JMJD1C: variants seen among roughly 807,000 people sequenced by gnomAD.
JMJD1C encodes the protein jumonji domain-containing protein 1C.
Under a neutral mutation model 245.3 loss-of-function variants are expected in JMJD1C, and 31 were observed. The ratio of observed to expected loss-of-function variants is 0.13; its 90% CI spans 0.09 to 0.17. JMJD1C has a LOEUF of 0.17. JMJD1C is among the 10% of genes least tolerant of loss of function. The pLI is 1.00. For synonymous variants in JMJD1C, 1,057 were observed against 1,017.4 expected (o/e 1.04, Z -0.74); for missense variants, 2,691 against 3,000.2 (o/e 0.90, Z 2.41).
chr10:63,208,591 A>G lies in JMJD1C; in HGVS notation c.3078T>C (p.Leu1026=). The change falls in exon 10 of 26, where the codon CTT becomes CTC. Residue 1026 remains leucine, a synonymous_variant. Coordinates refer to ENST00000399262, the MANE Select transcript of JMJD1C (RefSeq NM_032776.3). ...NKYKEEHRRI[L]QESIDVAPFT... is the part of the protein sequence containing the mutation. ...AGGGAGCAACATCAATACTTTCTTGAAGAATTCGACGGTGTTCCTCTTTGT... is the reference window on the plus strand; with the variant it reads ...AGGGAGCAACATCAATACTTTCTTGGAGAATTCGACGGTGTTCCTCTTTGT... 1.2e-6 allele frequency: 2 copies of G among 1,614,020 alleles called. No individual in the cohort carries two copies. Among genetic ancestry groups the G allele is most frequent in the Non-Finnish European group, 1.7e-6 (2 of 1,179,936 alleles).
intron 16 of JMJD1C, among the ~76,000 whole-genome samples, chr10:63,192,000 A>C (rs1196257938): frequency 6.7e-5 from 10 of 150,092 alleles, no homozygotes; most frequent in African/African-American, 1.7e-4. Context: ...AAAAAAAAAA[A>C]AAAAAAAAAC....
rs1293351554 is a variant in JMJD1C at position 63,215,243 on chromosome 10, A to G, written c.1015+20T>C. 3.2e-6 allele frequency: 5 copies of G among 1,572,922 alleles called. No individual in the cohort carries two copies. The highest frequency in any genetic ancestry group is 4.3e-6 in the Non-Finnish European group (5 of 1,160,602). ...TGTTTTATTTGTTTTCATTCCCTTA[A>G]AAAAAAAAGTGGGTCCTACCTCCTC... On this transcript the variant is annotated intron_variant, in intron 7 of 25. Coordinates refer to ENST00000399262, the MANE Select transcript of JMJD1C (RefSeq NM_032776.3).
At chr10:63,365,168 C>T in intron 2 of JMJD1C, among the ~76,000 whole-genome samples, 1 of 152,222 alleles carries the variant, frequency 6.6e-6, no homozygotes, top group Non-Finnish European at 1.5e-5. Flanking sequence ...AAAATCATAG[C>T]AAGCCTCATC....
chr10:63,463,014 G>T (rs1277873887), intron 1 of JMJD1C, among the ~76,000 whole-genome samples: 1 of 151,650 alleles, frequency 6.6e-6, no homozygotes, highest in Non-Finnish European at 1.5e-5. Context: ...TCCAAATCAT[G>T]TGCCACAGGT....
chr10:63,288,740 A>G (rs947606813), intron 2 of JMJD1C, among the ~76,000 whole-genome samples: 4 of 152,004 alleles, frequency 2.6e-5, no homozygotes, highest in African/African-American at 9.7e-5. Flanking sequence ...TTAACTGGAC[A>G]TGGTGGCACA....
chr10:63,429,375 C>A (rs777404445), intron 1 of JMJD1C, among the ~76,000 whole-genome samples: 2 of 152,102 alleles, frequency 1.3e-5, no homozygotes, highest in Admixed American at 1.3e-4. Context: ...CTTTGAAGAT[C>A]TCATACTGGA....
intron 5 of JMJD1C, 111 bp downstream of exon 5, chr10:63,217,096 A>G (rs1287219843): frequency 7.0e-6 from 7 of 999,210 alleles, no homozygotes; most frequent in Non-Finnish European, 8.8e-6. Context: ...TTACACGACT[A>G]AAAACCCTAG....
chr10:63,278,480 C>T (rs1220374376), intron 2 of JMJD1C, among the ~76,000 whole-genome samples: 5 of 147,252 alleles, frequency 3.4e-5, no homozygotes, highest in African/African-American at 5.0e-5. Flanking sequence ...GCTGAGATTA[C>T]GCCACTGCAC....
intron 22 of JMJD1C, among the ~76,000 whole-genome samples, chr10:63,180,332 T>C (rs1025874279): frequency 1.3e-5 from 2 of 152,212 alleles, no homozygotes; most frequent in Non-Finnish European, 2.9e-5. Context: ...GTGTTTACTA[T>C]GTGCGAGGCA....
intron 1 of JMJD1C, among the ~76,000 whole-genome samples, chr10:63,475,306 C>T (rs1953625359): frequency 6.6e-6 from 1 of 152,126 alleles, no homozygotes; most frequent in Admixed American, 6.5e-5. Flanking sequence ...ATACATACTT[C>T]CTAGAGGGAA....
intron 1 of JMJD1C, among the ~76,000 whole-genome samples, chr10:63,425,271 A>G (rs935609172): frequency 1.3e-5 from 2 of 152,206 alleles, no homozygotes; most frequent in African/African-American, 4.8e-5. Context: ...AAATTTTAAA[A>G]CTGAATTTTG....
intron 13 of JMJD1C, among the ~76,000 whole-genome samples, 153 bp downstream of exon 13, chr10:63,197,256 CTG>C (rs1483756103): frequency 2.0e-5 from 3 of 152,032 alleles, no homozygotes; most frequent in African/African-American, 4.8e-5. Context: ...CGTTAATAAA[CTG>C]TGGTTACTTC....
Position 63,223,990 on chromosome 10 carries a change from G to C in JMJD1C, c.448-4007C>G, listed in dbSNP as rs1234146761. Among the ~76,000 whole-genome samples, 6 of 152,264 alleles carry C rather than the reference G, an allele frequency of 3.9e-5. 1 individual carries two copies. The highest frequency in any genetic ancestry group is 3.9e-4 in the Admixed American group (6 of 15,288). ...GCTGGTCTCAAACTCCTGACCTCTTGATCCGCCTGCGTCCGCCTCCCAATG... is the reference window on the plus strand; with the variant it reads ...GCTGGTCTCAAACTCCTGACCTCTTCATCCGCCTGCGTCCGCCTCCCAATG... On this transcript the variant is annotated intron_variant, in intron 3 of 25. Coordinates refer to ENST00000399262, the MANE Select transcript of JMJD1C (RefSeq NM_032776.3).
At position 63,209,853 on chromosome 10, in the gene JMJD1C, A is replaced by G. The variant is rs539702593; in HGVS notation, c.2695-618T>C. 1.3e-4 allele frequency among the ~76,000 whole-genome samples: 20 copies of G among 152,328 alleles called. 1 individual carries two copies. The South Asian group carries it at 3.9e-3, about 30-fold the overall frequency. On this transcript the variant is annotated intron_variant, in intron 8 of 25. Transcript: ENST00000399262. Reference sequence around the variant, plus strand: ...TATGCTGCCTGTCTCATGACTGAATATAAGGTGACAGCAACCTCTTCATCG... The same window carrying G: ...TATGCTGCCTGTCTCATGACTGAATGTAAGGTGACAGCAACCTCTTCATCG...
At chr10:63,365,662 T>C (rs1564838095) in intron 2 of JMJD1C, among the ~76,000 whole-genome samples, 2 of 152,218 alleles carry the variant, frequency 1.3e-5, no homozygotes, top group African/African-American at 2.4e-5. Flanking sequence ...TCACTCTCAG[T>C]TGTGCTACTA....
Position 63,189,293 on chromosome 10 carries a change from C to T in JMJD1C, c.6445G>A (p.Glu2149Lys). 1 of 1,613,688 alleles carries T rather than the reference C, an allele frequency of 6.2e-7. No individual in the cohort carries two copies. Among genetic ancestry groups the T allele is most frequent in the Non-Finnish European group, 8.5e-7 (1 of 1,179,740 alleles). ...ATATCACTGTATAATTTATTATTTT[C>T]ATCCACTGCAGATATTATGCTTTCT... The part of the protein sequence containing the change: ...PEESIISAVD[E>K]NNKLYSDIPH... Residue 2149 changes from glutamate to lysine, a missense_variant, in exon 18 of 26, where the codon GAA becomes AAA. By Grantham distance (56) the Glu-to-Lys change is moderately conservative. Coordinates refer to ENST00000399262, the MANE Select transcript of JMJD1C (RefSeq NM_032776.3).
intron 3 of JMJD1C, among the ~76,000 whole-genome samples, chr10:63,234,560 A>C (rs982333619): frequency 2.7e-5 from 4 of 150,682 alleles, no homozygotes; most frequent in East Asian, 1.9e-4. Context: ...ATAAAAAAAA[A>C]CCTTTTAATA....
chr10:63,342,483 TG>T (rs1255896021), intron 2 of JMJD1C, among the ~76,000 whole-genome samples: 3 of 152,236 alleles, frequency 2.0e-5, no homozygotes, highest in Non-Finnish European at 2.9e-5. Flanking sequence ...ACCCACTTCC[TG>T]GTCCTCAAAT....
In JMJD1C at chr10:63,335,872, G is replaced by C. The variant is rs189812412; in HGVS notation, c.333+44446C>G. Among the ~76,000 whole-genome samples the C allele has an allele frequency of 5.8e-4, 88 of 151,362 alleles. 1 individual carries two copies. The highest frequency in any genetic ancestry group is 5.7e-4 in the Non-Finnish European group (39 of 67,934). ...ACCGTGGCTCACGCCTGTAATCCCA[G>C]CACTTTGGGAGGCCAACACAGACAG... On this transcript the variant is annotated intron_variant, in intron 2 of 25. Coordinates refer to ENST00000399262, the MANE Select transcript of JMJD1C (RefSeq NM_032776.3).
Sources: allele counts gnomAD v4.1 joint callset (sites outside exome capture counted in the v4.1 genomes callset), GRCh38; gene constraint gnomAD v4.1.1; transcripts MANE v1.5; gene names NCBI Gene and HGNC (gene_info 2026-07-23, HGNC 2026-07-21).